Variants in ABCA13 observed in about 807,000 individuals in gnomAD.
ABCA13 encodes the protein ATP-binding cassette sub-family A member 13.
A neutral mutation model predicts 478.7 loss-of-function variants in ABCA13; 476 were observed. The observed-to-expected ratio is 0.99, with a 90% CI of 0.92 to 1.07. The LOEUF (loss-of-function observed/expected upper bound fraction) is 1.07. Among genes scored for constraint, ABCA13 ranks in the 50% least tolerant of loss-of-function variants. The probability of loss-of-function intolerance (pLI) is 0.00; values close to 1 mark genes in which losing one functional copy is unlikely to be tolerated. For synonymous variants in ABCA13, 2,252 were observed against 2,158.9 expected (o/e 1.04, Z -1.20); for missense variants, 6,060 against 5,910.6 (o/e 1.03, Z -0.83).
chr7:48,372,626 C>T (rs1812828905), intron 33 of ABCA13, 129 bp downstream of exon 33: 1 of 788,436 alleles, frequency 1.3e-6, no homozygotes, highest in African/African-American at 1.7e-5. Flanking sequence ...TTTCTGATAT[C>T]TGCTTTTTAA....
At chr7:48,364,643 G>A (rs963186491) in intron 31 of ABCA13, among the ~76,000 whole-genome samples, 4 of 151,840 alleles carry the variant, frequency 2.6e-5, no homozygotes, top group Non-Finnish European at 4.4e-5. Context: ...TAGCTCCCAC[G>A]TATGAGTTAG....
At chr7:48,263,543 T>C (rs565430233) in intron 15 of ABCA13, among the ~76,000 whole-genome samples, 2 of 151,998 alleles carry the variant, frequency 1.3e-5, no homozygotes, top group Non-Finnish European at 2.9e-5. Flanking sequence ...ATAGTTTTCT[T>C]TACTGAGTTC....
Position 48,269,044 on chromosome 7 carries a change from T to C in ABCA13, c.2070T>C (p.Tyr690=). The change falls in exon 16 of 62, where the codon TAT becomes TAC. Residue 690 remains tyrosine, a synonymous_variant. Transcript: ENST00000435803. ...ATTGGAAAATGATCAGTGATAATTA[T>C]TTTCAATTTTTGAATAACTTACTCA... The part of the protein sequence containing the change: ...NMDWKMISDN[Y]FQFLNNLLKS... 6.2e-7 allele frequency: 1 copy of C among 1,603,646 alleles called. No individual in the cohort carries two copies. Among genetic ancestry groups the C allele is most frequent in the Non-Finnish European group, 8.5e-7 (1 of 1,171,736 alleles).
At chr7:48,536,984 T>C (rs1277482607) in intron 55 of ABCA13, among the ~76,000 whole-genome samples, 1 of 152,084 alleles carries the variant, frequency 6.6e-6, no homozygotes, top group Non-Finnish European at 1.5e-5. Context: ...TGCAAATTAC[T>C]TACATAGGAT....
At chr7:48,414,614 T>C (rs1486440172) in intron 41 of ABCA13, among the ~76,000 whole-genome samples, 3 of 150,594 alleles carry the variant, frequency 2.0e-5, no homozygotes, top group Non-Finnish European at 4.4e-5. Flanking sequence ...ATATATTACA[T>C]GTAATAATAC....
In ABCA13 at chr7:48,548,955, A is replaced by G. The variant is rs114953339; in HGVS notation, c.14354+20610A>G. Among the ~76,000 whole-genome samples, 238 of 151,800 alleles carry G rather than the reference A, an allele frequency of 1.6e-3. 2 individuals are homozygous for G. Among genetic ancestry groups the G allele is most frequent in the African/African-American group, 5.5e-3 (227 of 41,490 alleles). On this transcript the variant is annotated intron_variant, in intron 55 of 61. Transcript: ENST00000435803. The stretch of plus-strand genomic sequence containing the variant: ...CTTTCTAAGATTGAAACTTGACTAC[A>G]TCTCTATTAAAATAGAGATGGGTGG...
intron 59 of ABCA13, among the ~76,000 whole-genome samples, chr7:48,637,650 A>G (rs756664123): frequency 6.6e-6 from 1 of 152,100 alleles, no homozygotes; most frequent in African/African-American, 2.4e-5. Flanking sequence ...AAAACGCTCT[A>G]TCATGTTTGT....
At chr7:48,539,197 T>C (rs1165047428) in intron 55 of ABCA13, among the ~76,000 whole-genome samples, 1 of 152,096 alleles carries the variant, frequency 6.6e-6, no homozygotes, top group Non-Finnish European at 1.5e-5. Flanking sequence ...CTGGGAAACA[T>C]GGGGAAACCC....
chr7:48,624,291 A>G (rs1306119012), intron 59 of ABCA13, among the ~76,000 whole-genome samples: 1 of 152,174 alleles, frequency 6.6e-6, no homozygotes, highest in Non-Finnish European at 1.5e-5. Context: ...ACTTGCAGAC[A>G]CTGAGCATAT....
At chr7:48,522,992 C>T (rs1408635946) in intron 53 of ABCA13, among the ~76,000 whole-genome samples, 1 of 152,184 alleles carries the variant, frequency 6.6e-6, no homozygotes, top group East Asian at 1.9e-4. Context: ...AGGGAAATAA[C>T]ATTCAAACAG....
chr7:48,282,887 C>A (rs1304200843), intron 19 of ABCA13, among the ~76,000 whole-genome samples: 1 of 152,136 alleles, frequency 6.6e-6, no homozygotes, highest in Non-Finnish European at 1.5e-5. Context: ...CACTACAAAC[C>A]TGGCACATGG....
rs375059774 is a variant in ABCA13 at position 48,561,029 on chromosome 7, T to C, written c.14355-19195T>C. Among the ~76,000 whole-genome samples the C allele has an allele frequency of 9.2e-5, 14 of 152,178 alleles. No individual in the cohort carries two copies. The East Asian group carries it at 1.7e-3, about 19-fold the overall frequency. Reference sequence around the variant, plus strand: ...TCTGTCCATATCATCACAAATGACATAATTTCTTCCTTTTTAAGGGCTGAA... The same window carrying C: ...TCTGTCCATATCATCACAAATGACACAATTTCTTCCTTTTTAAGGGCTGAA... On this transcript the variant is annotated intron_variant, in intron 55 of 61. Coordinates refer to ENST00000435803, the MANE Select transcript of ABCA13 (RefSeq NM_152701.5).
chr7:48,459,884 T>C (rs2129918246), intron 43 of ABCA13, among the ~76,000 whole-genome samples: 1 of 152,300 alleles, frequency 6.6e-6, no homozygotes, highest in South Asian at 2.1e-4. Context: ...TGACCTCATC[T>C]TCTGGGATGG....
chr7:48,356,128 CAA>C (rs540041288), intron 31 of ABCA13, among the ~76,000 whole-genome samples: 12 of 151,846 alleles, frequency 7.9e-5, no homozygotes, highest in Non-Finnish European at 1.3e-4. Flanking sequence ...TCAAGCTGAG[CAA>C]AAGACTCCAG....
intron 1 of ABCA13, among the ~76,000 whole-genome samples, chr7:48,183,345 T>C (rs935865466): frequency 6.6e-6 from 1 of 152,204 alleles, no homozygotes; most frequent in African/African-American, 2.4e-5. Flanking sequence ...GATGGAAAAT[T>C]ACATACTTAA....
At chr7:48,461,562 T>A (rs1227191053) in intron 43 of ABCA13, among the ~76,000 whole-genome samples, 1 of 152,210 alleles carries the variant, frequency 6.6e-6, no homozygotes, top group African/African-American at 2.4e-5. Flanking sequence ...TAGGCATTTT[T>A]AAAATGTTTA....
chr7:48,436,295 T>A (rs944120716), intron 42 of ABCA13, among the ~76,000 whole-genome samples: 6 of 151,780 alleles, frequency 4.0e-5, no homozygotes, highest in African/African-American at 1.4e-4. Flanking sequence ...CTTATCTAGG[T>A]CATCAAATAT....
chr7:48,218,654 CA>C (rs1786860047), intron 3 of ABCA13, among the ~76,000 whole-genome samples: 1 of 152,218 alleles, frequency 6.6e-6, no homozygotes, highest in South Asian at 2.1e-4. Context: ...AGCTTTGCTG[CA>C]AACATTCTGC....
At chr7:48,538,346 C>A (rs1309540468) in intron 55 of ABCA13, among the ~76,000 whole-genome samples, 1 of 152,050 alleles carries the variant, frequency 6.6e-6, no homozygotes, top group Non-Finnish European at 1.5e-5. Context: ...GGTGATCCAC[C>A]CACCTCGACC....
Sources: gnomAD v4.1 joint callset for allele counts (sites outside exome capture counted in the v4.1 genomes callset) on GRCh38, gnomAD v4.1.1 for gene constraint, MANE v1.5 for transcripts, NCBI Gene and HGNC (gene_info 2026-07-23, HGNC 2026-07-21) for gene names.